SLF1: variants seen among roughly 807,000 people sequenced by gnomAD.
SLF1 encodes the protein SMC5/6 complex localization factor 1, also known as SMC5-SMC6 complex localization factor protein 1.
In SLF1, 105 loss-of-function variants were observed where a neutral mutation model predicts 123.0. The ratio of observed to expected loss-of-function variants is 0.85; its 90% CI spans 0.73 to 1.00. The LOEUF is 1.00. Among genes scored for constraint, SLF1 ranks in the 50% least tolerant of loss-of-function variants. The pLI is 0.00. For synonymous variants in SLF1, 434 were observed against 406.6 expected (o/e 1.07, Z -0.81); for missense variants, 1,239 against 1,223.0 (o/e 1.01, Z -0.20).
rs1748172350 is a variant in SLF1, at chr5:94,654,750, C to T, written c.1153C>T (p.Gln385Ter). Residue 385 changes from glutamine to a stop codon, truncating the protein, a stop_gained and splice_region_variant, in exon 9 of 21, where the codon CAG (glutamine) becomes TAG (stop). Coordinates refer to ENST00000265140, the MANE Select transcript of SLF1 (RefSeq NM_032290.4). LOFTEE classifies it high-confidence loss of function. ...NTLRKHIYRA[Q>*]AVRYNCIRID... is the part of the protein sequence containing the mutation. Reference sequence around the variant, plus strand: ...CTTAAGGAAGCACATATATAGAGCTCAGGTAAAACTTGGCACATGAAAAAT... The same window carrying T: ...CTTAAGGAAGCACATATATAGAGCTTAGGTAAAACTTGGCACATGAAAAAT... 1 of 1,496,510 alleles carries T rather than the reference C, an allele frequency of 6.7e-7. No homozygotes were observed. Among genetic ancestry groups the T allele is most frequent in the Non-Finnish European group, 8.9e-7 (1 of 1,123,186 alleles). 92.7% of individuals were successfully genotyped at this position (1,496,510 alleles called of 1,614,324 possible). A position where few individuals can be genotyped will look rare whatever the true frequency, so the allele number is the denominator to read the frequency against.
At position 94,665,874 on chromosome 5, in the gene SLF1, C is replaced by A. The variant is rs1209372680; in HGVS notation, c.1382C>A (p.Thr461Lys). ...LENVLQDNIDTFSGRYFHILS... is the reference protein window; with the variant it reads ...LENVLQDNIDKFSGRYFHILS... ...TTTAAATAATAGGATAACATAGATA[C>A]ATTTTCTGGTCGATACTTTCATATA... The change falls in exon 12 of 21, where the codon ACA becomes AAA. Residue 461 changes from threonine (T) to lysine (K), a missense_variant. Thr to Lys is a moderately conservative substitution (Grantham distance 78). Coordinates refer to ENST00000265140, the MANE Select transcript of SLF1 (RefSeq NM_032290.4). The A allele has an allele frequency of 2.6e-6, 4 of 1,544,570 alleles. No homozygotes were observed. The highest frequency in any genetic ancestry group is 3.5e-6 in the Non-Finnish European group (4 of 1,140,918).
chr5:94,666,795 T>C (rs1749810306), intron 12 of SLF1, among the ~76,000 whole-genome samples: 1 of 151,894 alleles, frequency 6.6e-6, no homozygotes. Context: ...TGCCTCCACG[T>C]CCAGCTAATT....
chr5:94,673,691 T>TAAAA (rs35649653), intron 14 of SLF1, among the ~76,000 whole-genome samples: 1 of 119,752 alleles, frequency 8.4e-6, no homozygotes, highest in Non-Finnish European at 1.7e-5. Context: ...CCTTGTCTCT[T>TAAAA]AAAAAAAAAA....
chr5:94,670,277 A>G lies in SLF1; in HGVS notation c.1659A>G (p.Gln553=). 1 of 1,478,840 alleles carries G rather than the reference A, an allele frequency of 6.8e-7. No homozygotes were observed. Among genetic ancestry groups the G allele is most frequent in the Non-Finnish European group, 8.9e-7 (1 of 1,119,118 alleles). 91.6% of individuals were successfully genotyped at this position (1,478,840 alleles called of 1,614,324 possible). A position where few individuals can be genotyped will look rare whatever the true frequency, so the allele number is the denominator to read the frequency against. ...LIESEVQHLS[Q]KLYDWSDSQN... ...AAAGTGAAGTACAACATCTGAGTCA[A>G]AAGTAAGTTCTAATCGCAAGAATAA... is the stretch of plus-strand genomic sequence containing the variant. The change falls in exon 13 of 21, where the codon CAA becomes CAG. Residue 553 remains glutamine (Q), a splice_region_variant and synonymous_variant. Transcript: ENST00000265140.
At chr5:94,678,009 C>G (rs897841287) in intron 14 of SLF1, among the ~76,000 whole-genome samples, 1 of 151,934 alleles carries the variant, frequency 6.6e-6, no homozygotes, top group Admixed American at 6.5e-5. Flanking sequence ...CAAGCTCCGC[C>G]TCCCGGGTTC....
At chr5:94,682,432 T>C (rs1045913839) in intron 15 of SLF1, among the ~76,000 whole-genome samples, 2 of 152,232 alleles carry the variant, frequency 1.3e-5, no homozygotes, top group Non-Finnish European at 2.9e-5. Flanking sequence ...CCCAAGTCAT[T>C]AGTAAAGATG....
In SLF1 at chr5:94,670,296, A is replaced by C; in HGVS notation, c.1661+17A>C. ...GAGTCAAAAGTAAGTTCTAATCGCA[A>C]GAATAACACTTTTCTAAATTTTGGT... On this transcript the variant is annotated intron_variant, in intron 13 of 20. Transcript: ENST00000265140. The C allele has an allele frequency of 1.4e-6, 2 of 1,428,310 alleles. No individual in the cohort carries two copies. Among genetic ancestry groups the C allele is most frequent in the Non-Finnish European group, 1.8e-6 (2 of 1,094,816 alleles). The allele number at this position is 1,428,310 out of a possible 1,614,324, so 88.5% of individuals were successfully genotyped here. A position where few individuals can be genotyped will look rare whatever the true frequency, so the allele number is the denominator to read the frequency against.
intron 4 of SLF1, among the ~76,000 whole-genome samples, chr5:94,635,979 T>TA (rs913565830): frequency 5.3e-5 from 8 of 152,194 alleles, no homozygotes; most frequent in Non-Finnish European, 1.2e-4. Flanking sequence ...CAGGCAGCCC[T>TA]TATCATGATA....
At chr5:94,640,315 C>T (rs1235356241) in intron 4 of SLF1, among the ~76,000 whole-genome samples, 1 of 152,108 alleles carries the variant, frequency 6.6e-6, no homozygotes, top group Non-Finnish European at 1.5e-5. Context: ...TTCTCTTCCA[C>T]TTTCTTCTGG....
chr5:94,639,037 C>CTTTTTTTT lies in SLF1; in HGVS notation c.432-4222_432-4215dup, dbSNP rs764031689. Reference sequence around the variant, plus strand: ...TTTCTCATCTCTTTTCTTTTCTTCCCTTTTTTTTTTTTTTTTTTTTTGAGA... The same window carrying CTTTTTTTT: ...TTTCTCATCTCTTTTCTTTTCTTCCCTTTTTTTTTTTTTTTTTTTTTTTTTTTTTGAGA... On this transcript the variant is annotated intron_variant, in intron 4 of 20. Coordinates refer to ENST00000265140, the MANE Select transcript of SLF1 (RefSeq NM_032290.4). 2.4e-3 allele frequency among the ~76,000 whole-genome samples: 214 copies of CTTTTTTTT among 88,956 alleles called. 4 individuals carry two copies. The highest frequency in any genetic ancestry group is 2.9e-3 in the Non-Finnish European group (139 of 48,172). The allele number at this position is 88,956 out of a possible 152,430, so 58.4% of individuals were successfully genotyped here.
intron 5 of SLF1, 57 bp downstream of exon 5, chr5:94,643,492 TACCAAC>T: frequency 8.5e-7 from 1 of 1,176,288 alleles, no homozygotes; most frequent in Non-Finnish European, 1.1e-6. Context: ...TTTTATAAAA[TACCAAC>T]ATAGTAAAAT....
chr5:94,638,357 T>C (rs1746049628), intron 4 of SLF1, among the ~76,000 whole-genome samples: 1 of 151,968 alleles, frequency 6.6e-6, no homozygotes, highest in Non-Finnish European at 1.5e-5. Context: ...TTTTTTGTGT[T>C]TTTAGTAGGG....
At chr5:94,676,160 G>A (rs1751035339) in intron 14 of SLF1, among the ~76,000 whole-genome samples, 1 of 152,028 alleles carries the variant, frequency 6.6e-6, no homozygotes, top group Non-Finnish European at 1.5e-5. Context: ...TATGTTGGAA[G>A]GAACATTTTG....
At chr5:94,628,731 C>A in intron 1 of SLF1, 80 bp from the exon 2 acceptor site, 1 of 852,042 alleles carries the variant, frequency 1.2e-6, no homozygotes, top group South Asian at 2.6e-5. Context: ...TTTTAGTACT[C>A]ATAGTTAAGA....
At chr5:94,657,236 T>C (rs997529485) in intron 9 of SLF1, among the ~76,000 whole-genome samples, 4 of 151,918 alleles carry the variant, frequency 2.6e-5, no homozygotes, top group African/African-American at 9.7e-5. Flanking sequence ...GGTTTTGGTA[T>C]GTTGTGTTTC....
At chr5:94,641,046 A>C (rs1345187179) in intron 4 of SLF1, among the ~76,000 whole-genome samples, 6 of 152,170 alleles carry the variant, frequency 3.9e-5, no homozygotes. Context: ...CATATACAAG[A>C]ATATTGATAG....
intron 14 of SLF1, among the ~76,000 whole-genome samples, chr5:94,677,185 T>C (rs552085512): frequency 1.3e-5 from 2 of 152,344 alleles, no homozygotes; most frequent in East Asian, 3.9e-4. Context: ...TGTACTATTC[T>C]AATCCCTAAA....
At chr5:94,673,294 C>G (rs965288406) in intron 14 of SLF1, among the ~76,000 whole-genome samples, 7 of 152,132 alleles carry the variant, frequency 4.6e-5, no homozygotes, top group Admixed American at 3.9e-4. Flanking sequence ...TTTGGCCTAG[C>G]ACTTCCTCAT....
chr5:94,670,788 A>G, intron 13 of SLF1, 55 bp from the exon 14 acceptor site: 1 of 1,321,936 alleles, frequency 7.6e-7, no homozygotes, highest in Non-Finnish European at 1.0e-6. Flanking sequence ...GATGTCAAGT[A>G]ATTGTCATGA....
Sources: gnomAD v4.1 joint callset for allele counts (sites outside exome capture counted in the v4.1 genomes callset) on GRCh38, gnomAD v4.1.1 for gene constraint, MANE v1.5 for transcripts, NCBI Gene and HGNC (gene_info 2026-07-23, HGNC 2026-07-21) for gene names.